Variants in MAGI1 observed in about 807,000 individuals in gnomAD.
The protein encoded by MAGI1 is membrane associated guanylate kinase, WW and PDZ domain containing 1.
A neutral mutation model predicts 139.9 loss-of-function variants in MAGI1; 58 were observed. That is an observed-to-expected ratio of 0.41 (90% CI 0.34 to 0.52). The LOEUF is 0.52. Among genes scored for constraint, MAGI1 ranks in the 20% least tolerant of loss-of-function variants. The pLI is 0.12. For missense variants in MAGI1, 1,874 were observed against 1,901.6 expected (o/e 0.99, Z 0.27); for synonymous variants, 812 against 737.9 (o/e 1.10, Z -1.63).
At chr3:65,692,054 T>G (rs2088712381) in intron 1 of MAGI1, among the ~76,000 whole-genome samples, 1 of 152,116 alleles carries the variant, frequency 6.6e-6, no homozygotes, top group Non-Finnish European at 1.5e-5. Context: ...ATTACATGAC[T>G]CTAACACTAC....
chr3:65,742,311 G>A (rs936835300), intron 1 of MAGI1, among the ~76,000 whole-genome samples: 2 of 151,930 alleles, frequency 1.3e-5, no homozygotes, highest in Non-Finnish European at 2.9e-5. Context: ...GAACTCCTGC[G>A]CCCATGTTTT....
chr3:65,894,163 C>T (rs950185270), intron 1 of MAGI1, among the ~76,000 whole-genome samples: 1 of 152,136 alleles, frequency 6.6e-6, no homozygotes, highest in Admixed American at 6.6e-5. Flanking sequence ...GAAAGAATCT[C>T]AAAGTTGTAA....
chr3:65,744,121 C>T (rs543914458), intron 1 of MAGI1, among the ~76,000 whole-genome samples: 1 of 152,236 alleles, frequency 6.6e-6, no homozygotes, highest in South Asian at 2.1e-4. Flanking sequence ...GGGTATCTCC[C>T]TAATAGAGAA....
chr3:66,008,643 G>A (rs1434175958), intron 1 of MAGI1: 6 of 152,212 alleles, frequency 3.9e-5, no homozygotes, highest in African/African-American at 1.4e-4. Flanking sequence ...AGGATCCCTG[G>A]AGAAAATGAT....
intron 1 of MAGI1, among the ~76,000 whole-genome samples, chr3:65,743,719 A>G (rs568707024): frequency 6.6e-6 from 1 of 152,284 alleles, no homozygotes; most frequent in South Asian, 2.1e-4. Context: ...CAAAAAAAAA[A>G]AAAGTCTAAA....
At position 65,379,242 on chromosome 3, in the gene MAGI1, T is replaced by G; in HGVS notation, c.2995+19A>C. ...AGGCATGGTGGGAAACCCTGGGTAATTTCACGTTCAGCACTCACCAAAGGT... is the reference window on the plus strand; with the variant it reads ...AGGCATGGTGGGAAACCCTGGGTAAGTTCACGTTCAGCACTCACCAAAGGT... On this transcript the variant is annotated intron_variant, in intron 17 of 22. Coordinates refer to ENST00000402939, the MANE Select transcript of MAGI1 (RefSeq NM_001033057.2). 1.2e-6 allele frequency: 2 copies of G among 1,609,754 alleles called. No individual in the cohort carries two copies. The highest frequency in any genetic ancestry group is 1.7e-6 in the Non-Finnish European group (2 of 1,177,818).
chr3:65,539,855 C>G (rs940082975), intron 2 of MAGI1, among the ~76,000 whole-genome samples: 1 of 152,190 alleles, frequency 6.6e-6, no homozygotes, highest in Non-Finnish European at 1.5e-5. Context: ...TCCTTCTTAG[C>G]CTCAGGAACC....
intron 18 of MAGI1, among the ~76,000 whole-genome samples, chr3:65,370,887 G>A: frequency 6.6e-6 from 1 of 152,236 alleles, no homozygotes; most frequent in Non-Finnish European, 1.5e-5. Flanking sequence ...GAACTCCTGA[G>A]CTCAAGTGAT....
At chr3:65,493,350 T>C (rs949192748) in intron 3 of MAGI1, among the ~76,000 whole-genome samples, 162 bp downstream of exon 3, 2 of 152,234 alleles carry the variant, frequency 1.3e-5, no homozygotes, top group Non-Finnish European at 2.9e-5. Context: ...CAAAGCCTTA[T>C]TCCATAGACT....
chr3:65,738,881 G>A lies in MAGI1; in HGVS notation c.314-116793C>T, dbSNP rs138025996. On this transcript the variant is annotated intron_variant, in intron 1 of 22. Coordinates refer to ENST00000402939, the MANE Select transcript of MAGI1 (RefSeq NM_001033057.2). ...TTTGTTATTCCATATATAGAGCACA[G>A]GCAGAGTAGATTTAGCACCCTCTTT... 5.0e-3 allele frequency among the ~76,000 whole-genome samples: 766 copies of A among 152,328 alleles called. 4 individuals are homozygous for A. Among genetic ancestry groups the A allele is most frequent in the South Asian group, 0.012 (60 of 4,826 alleles).
At chr3:65,810,661 T>C (rs1241313973) in intron 1 of MAGI1, among the ~76,000 whole-genome samples, 1 of 152,218 alleles carries the variant, frequency 6.6e-6, no homozygotes, top group Non-Finnish European at 1.5e-5. Flanking sequence ...GGGAAGATGA[T>C]GGCAGCTCTC....
chr3:65,386,564 T>C (rs1943465259), intron 14 of MAGI1, among the ~76,000 whole-genome samples: 1 of 152,230 alleles, frequency 6.6e-6, no homozygotes, highest in African/African-American at 2.4e-5. Flanking sequence ...CTGTGTCCTC[T>C]GAGGCCACCT....
intron 1 of MAGI1, among the ~76,000 whole-genome samples, chr3:65,864,651 AG>A (rs1329538604): frequency 6.6e-6 from 1 of 152,196 alleles, no homozygotes; most frequent in Non-Finnish European, 1.5e-5. Flanking sequence ...AGAGAGGAGA[AG>A]GTGAAGAATG....
chr3:66,032,859 G>A (rs1475213902), intron 1 of MAGI1, among the ~76,000 whole-genome samples: 1 of 145,180 alleles, frequency 6.9e-6, no homozygotes, highest in Non-Finnish European at 1.5e-5. Flanking sequence ...AGGTTGCAGT[G>A]AGCCGAGATC....
intron 1 of MAGI1, among the ~76,000 whole-genome samples, chr3:65,851,474 C>G (rs1202875825): frequency 6.6e-6 from 1 of 152,108 alleles, no homozygotes; most frequent in Admixed American, 6.6e-5. Context: ...GGTTGCCAGG[C>G]GCGGTGGCTC....
chr3:65,397,687 C>T (rs975516193), intron 13 of MAGI1, among the ~76,000 whole-genome samples: 2 of 152,162 alleles, frequency 1.3e-5, no homozygotes, highest in African/African-American at 4.8e-5. Context: ...AATCACAGCA[C>T]TTATTCAATC....
chr3:65,946,945 T>G (rs1337651378), intron 1 of MAGI1, among the ~76,000 whole-genome samples: 2 of 152,196 alleles, frequency 1.3e-5, no homozygotes, highest in Admixed American at 1.3e-4. Flanking sequence ...TCATGAAAGC[T>G]AAGCAGTATG....
intron 1 of MAGI1, among the ~76,000 whole-genome samples, chr3:65,778,451 A>AAAAAAAAAAAAAAAAAGAG (rs1180962724): frequency 1.6e-5 from 1 of 61,364 alleles, no homozygotes; most frequent in African/African-American, 4.9e-5. Flanking sequence ...AAAATAAATA[A>AAAAAAAAAAAAAAAAAGAG]ATAAGTCTTT....
At chr3:65,412,671 G>A (rs1945884997) in intron 12 of MAGI1, among the ~76,000 whole-genome samples, 1 of 152,152 alleles carries the variant, frequency 6.6e-6, no homozygotes, top group Non-Finnish European at 1.5e-5. Context: ...CAAAGGGGAG[G>A]AGCTGCTTGG....
Sources: gnomAD v4.1 joint callset for allele counts (sites outside exome capture counted in the v4.1 genomes callset) on GRCh38, gnomAD v4.1.1 for gene constraint, MANE v1.5 for transcripts, NCBI Gene and HGNC (gene_info 2026-07-23, HGNC 2026-07-21) for gene names.